Variants in NAF1 observed in about 807,000 individuals in gnomAD.
NAF1 encodes H/ACA ribonucleoprotein complex non-core subunit NAF1.
Under a neutral mutation model 40.6 loss-of-function variants are expected in NAF1, and 11 were observed. The ratio of observed to expected loss-of-function variants is 0.27; its 90% CI spans 0.17 to 0.45. NAF1 has a LOEUF of 0.45. Ranked by LOEUF, NAF1 falls within the 20% of genes least tolerant of loss-of-function variation. The probability of loss-of-function intolerance (pLI) is 1.00; values close to 1 mark genes in which losing one functional copy is unlikely to be tolerated. For missense variants in NAF1, 607 were observed against 611.1 expected, an observed-to-expected ratio of 0.99 and a Z score of 0.07; for synonymous variants, 260 against 228.5, an observed-to-expected ratio of 1.14 and a Z score of -1.24.
At chr4:163,155,337 C>T (rs1367563364) in intron 2 of NAF1, among the ~76,000 whole-genome samples, 1 of 152,184 alleles carries the variant, frequency 6.6e-6, no homozygotes, top group African/African-American at 2.4e-5. Context: ...CCCAGTCTTG[C>T]TCATTGCTAT....
At chr4:163,116,868 T>C (rs961165259) in intron 2 of NAF1, among the ~76,000 whole-genome samples, 3 of 151,658 alleles carry the variant, frequency 2.0e-5, no homozygotes, top group Non-Finnish European at 2.9e-5. Context: ...AAGCCAAGAG[T>C]CATTCCAGAC....
intron 4 of NAF1, chr4:163,142,043 T>G (rs1385661430): frequency 6.0e-6 from 3 of 497,798 alleles, no homozygotes; most frequent in Non-Finnish European, 7.8e-6. Context: ...ATCACAAATT[T>G]AAAGCTTTAA....
Position 163,166,675 on chromosome 4 carries a change from C to T in NAF1, c.53G>A (p.Gly18Asp). 3 of 1,613,788 alleles carry T rather than the reference C, an allele frequency of 1.9e-6. No individual in the cohort carries two copies. Among genetic ancestry groups the T allele is most frequent in the Non-Finnish European group, 2.5e-6 (3 of 1,180,002 alleles). Reference sequence around the variant, plus strand: ...ACCTTCCCCAACTCCAAAGTCGGTGCCATTGAATTTCAGAGTTTCCAGCTG... The same window carrying T: ...ACCTTCCCCAACTCCAAAGTCGGTGTCATTGAATTTCAGAGTTTCCAGCTG... ...AAQLETLKFNGTDFGVGEGPA... is the reference protein window; with the variant it reads ...AAQLETLKFNDTDFGVGEGPA... The change falls in exon 1 of 8, where the codon GGC becomes GAC. Residue 18 changes from glycine (G) to aspartate (D), a missense_variant. Coordinates refer to ENST00000274054, the MANE Select transcript of NAF1 (RefSeq NM_138386.3).
chr4:163,141,527 T>C (rs1254470911), intron 4 of NAF1, among the ~76,000 whole-genome samples: 1 of 152,206 alleles, frequency 6.6e-6, no homozygotes, highest in Non-Finnish European at 1.5e-5. Flanking sequence ...AAGTATAATT[T>C]TAGCTATCAT....
chr4:163,144,601 AGATTTAT>A (rs1731385603), intron 4 of NAF1, among the ~76,000 whole-genome samples: 1 of 152,230 alleles, frequency 6.6e-6, no homozygotes, highest in African/African-American at 2.4e-5. Flanking sequence ...CAAGGCACTT[AGATTTAT>A]AATCAAGTAT....
intron 2 of NAF1, among the ~76,000 whole-genome samples, chr4:163,118,442 A>G: frequency 6.6e-6 from 1 of 152,230 alleles, no homozygotes; most frequent in Non-Finnish European, 1.5e-5. Context: ...CTCATGTTAC[A>G]TTCACAGACA....
intron 2 of NAF1, among the ~76,000 whole-genome samples, chr4:163,152,931 G>GC (rs1235431743): frequency 3.3e-5 from 5 of 152,194 alleles, no homozygotes; most frequent in African/African-American, 1.2e-4. Context: ...GGAGGGCCCC[G>GC]CACTCAGAGC....
At chr4:163,139,699 C>A (rs1487044624) in intron 5 of NAF1, among the ~76,000 whole-genome samples, 1 of 152,022 alleles carries the variant, frequency 6.6e-6, no homozygotes, top group Admixed American at 6.5e-5. Context: ...AGGTCAACTC[C>A]ATACACCGTA....
At chr4:163,119,729 C>T (rs1730460972) in intron 2 of NAF1, 1 of 152,130 alleles carries the variant, frequency 6.6e-6, no homozygotes, top group Admixed American at 6.5e-5. Context: ...AAGTAATATA[C>T]TCCACAGTCC....
rs776968521 is a variant in NAF1 at position 163,133,115 on chromosome 4, T to C, written c.1033+39A>G. The C allele has an allele frequency of 9.4e-6, 14 of 1,485,612 alleles. No homozygotes were observed. In the Admixed American group the frequency reaches 2.4e-4, roughly 25 times the overall value. The allele number at this position is 1,485,612 out of a possible 1,614,324, so 92.0% of individuals were successfully genotyped here. A position where few individuals can be genotyped will look rare whatever the true frequency, so the allele number is the denominator to read the frequency against. On this transcript the variant is annotated intron_variant, in intron 7 of 7. Transcript: ENST00000274054. ...ATTGATAAACTTATATAGATGTAAA[T>C]GAAGATAAAGAACGAGTATATATAT...
intron 6 of NAF1, chr4:163,133,783 A>G (rs1401588540): frequency 6.6e-6 from 1 of 152,382 alleles, no homozygotes; most frequent in Non-Finnish European, 1.5e-5. Context: ...ATCATGGGGA[A>G]GCTATTTAGA....
chr4:163,136,101 T>A (rs1731045402), intron 6 of NAF1: 1 of 152,126 alleles, frequency 6.6e-6, no homozygotes, highest in Non-Finnish European at 1.5e-5. Context: ...CTCAGTAAAA[T>A]TAGAAACACA....
intron 3 of NAF1, among the ~76,000 whole-genome samples, chr4:163,147,636 A>G (rs924514671): frequency 5.3e-5 from 8 of 152,196 alleles, no homozygotes; most frequent in Non-Finnish European, 1.2e-4. Flanking sequence ...ATGGCTCCCC[A>G]AGAGATATCC....
At chr4:163,145,948 T>C (rs1731448511) in intron 3 of NAF1, 84 bp from the exon 4 acceptor site, 1 of 743,054 alleles carries the variant, frequency 1.3e-6, no homozygotes, top group Non-Finnish European at 2.2e-6. Flanking sequence ...AATTCCAACA[T>C]AATTTAAAAA....
rs1256231535 is a variant in NAF1, at chr4:163,145,843, T to C, written c.656A>G (p.Asn219Ser). 6.4e-7 allele frequency: 1 copy of C among 1,556,158 alleles called. No individual in the cohort carries two copies. Among genetic ancestry groups the C allele is most frequent in the African/African-American group, 1.4e-5 (1 of 73,644 alleles). ...AGTCTCCTCATTAACTGGAGGTAGG[T>C]TAGTCATAGATTCAATTATTACTGA... is the stretch of plus-strand genomic sequence containing the variant. The part of the protein sequence containing the change: ...EQLVIIESMT[N>S]LPPVNEETVI... Residue 219 changes from asparagine to serine, a missense_variant, in exon 4 of 8, where the codon AAC becomes AGC. Asn to Ser is a conservative substitution (Grantham distance 46). Around this residue, in one of 3 missense-constraint regions of NAF1, gnomAD observed 407 missense variants for 365.5 expected, o/e 1.11. Transcript: ENST00000274054.
rs904197744 is a variant in NAF1, at chr4:163,166,874, G to C, written c.-147C>G. The C allele has an allele frequency of 2.7e-6, 3 of 1,115,472 alleles. No individual in the cohort carries two copies. Among genetic ancestry groups the C allele is most frequent in the Non-Finnish European group, 3.7e-6 (3 of 807,134 alleles). The allele number at this position is 1,115,472 out of a possible 1,614,324, so 69.1% of individuals were successfully genotyped here. On this transcript the variant is annotated 5_prime_UTR_variant, in exon 1 of 8. Coordinates refer to ENST00000274054, the MANE Select transcript of NAF1 (RefSeq NM_138386.3). Reference sequence around the variant, plus strand: ...CGCGTTTCTCAGGTAACTACACGCGGAGGAGCCAAAAGACACGCCCCCGCC... The same window carrying C: ...CGCGTTTCTCAGGTAACTACACGCGCAGGAGCCAAAAGACACGCCCCCGCC...
intron 6 of NAF1, chr4:163,133,558 G>GCC: frequency 3.7e-6 from 1 of 272,632 alleles, no homozygotes. Context: ...CCAAAGGTAA[G>GCC]AGTATCAAGG....
chr4:163,140,252 A>G lies in NAF1; in HGVS notation c.849T>C (p.Thr283=). 1 of 1,605,560 alleles carries G rather than the reference A, an allele frequency of 6.2e-7. No individual in the cohort carries two copies. ...TTAGTTTTTCTGTGAATATATATTG[A>G]GTGAAATCTTTCATTGATGGAGCAA... ...MYFAPSMKDF[T]QYIFTEKLKQ... is the part of the protein sequence containing the mutation. The change falls in exon 5 of 8, where the codon ACT becomes ACC. Residue 283 remains threonine, a synonymous_variant. Transcript: ENST00000274054.
chr4:163,165,978 A>G (rs1280340716), intron 1 of NAF1, among the ~76,000 whole-genome samples: 1 of 152,084 alleles, frequency 6.6e-6, no homozygotes, highest in Non-Finnish European at 1.5e-5. Flanking sequence ...CCTAGATGTG[A>G]TGATAAAAAA....
Sources: gnomAD v4.1 joint callset for allele counts (sites outside exome capture counted in the v4.1 genomes callset) on GRCh38, gnomAD v4.1.1 for gene constraint, gnomAD v4.1.1 regional missense constraint, MANE v1.5 for transcripts, NCBI Gene and HGNC (gene_info 2026-07-23, HGNC 2026-07-21) for gene names.